NBN: variants seen among roughly 807,000 people sequenced by gnomAD.
The protein encoded by NBN is Nijmegen breakage syndrome 1 (nibrin).
NBN carries 88 observed loss-of-function variants against 90.8 expected under a neutral mutation model. That is an observed-to-expected ratio of 0.97 (90% CI 0.82 to 1.16). The LOEUF is 1.16. Among genes scored for constraint, NBN ranks in the 50% most tolerant of loss-of-function variants. The probability of loss-of-function intolerance (pLI) is 0.00; values close to 1 mark genes in which losing one functional copy is unlikely to be tolerated. For missense variants in NBN, 894 were observed against 869.6 expected (o/e 1.03, Z -0.35); for synonymous variants, 328 against 295.1 (o/e 1.11, Z -1.14).
chr8:89,949,185 T>A (rs1288301195), intron 11 of NBN, among the ~76,000 whole-genome samples: 1 of 152,206 alleles, frequency 6.6e-6, no homozygotes, highest in African/African-American at 2.4e-5. Flanking sequence ...ATGGCAGACC[T>A]GTGTTTAAGT....
At chr8:89,951,891 T>C (rs900069398) in intron 11 of NBN, among the ~76,000 whole-genome samples, 2 of 152,244 alleles carry the variant, frequency 1.3e-5, no homozygotes, top group African/African-American at 2.4e-5. Flanking sequence ...GTTTAAAACA[T>C]TTCCAGACTC....
At chr8:89,967,231 G>A (rs756389522) in intron 7 of NBN, among the ~76,000 whole-genome samples, 12 of 152,160 alleles carry the variant, frequency 7.9e-5, no homozygotes, top group African/African-American at 1.2e-4. Context: ...GAGTGAGTGT[G>A]GGTGGGTGTG....
intron 7 of NBN, among the ~76,000 whole-genome samples, chr8:89,968,970 A>G (rs896562063): frequency 2.0e-5 from 3 of 152,320 alleles, no homozygotes; most frequent in Non-Finnish European, 4.4e-5. Context: ...ATTAAGTAAA[A>G]TATTTATAGG....
rs777259845 is a variant in NBN, at chr8:89,958,783, C to T, written c.1066G>A (p.Ala356Thr). The T allele has an allele frequency of 1.4e-5, 22 of 1,613,914 alleles. No homozygotes were observed. The highest frequency in any genetic ancestry group is 3.3e-4 in the Middle Eastern group (2 of 6,080). Residue 356 changes from alanine to threonine, a missense_variant, in exon 9 of 16, where the codon GCC (alanine) becomes ACC (threonine). Ala to Thr is a moderately conservative substitution (Grantham distance 58). Coordinates refer to ENST00000265433, the MANE Select transcript of NBN (RefSeq NM_002485.5). ...VSVDEKLMPS[A>T]PVNTTTYVAD... Reference sequence around the variant, plus strand: ...ACGTATGTTGTAGTGTTCACTGGGGCGCTTGGCATTAGTTTTTCATCAACT... The same window carrying T: ...ACGTATGTTGTAGTGTTCACTGGGGTGCTTGGCATTAGTTTTTCATCAACT...
At chr8:89,952,567 C>T (rs1387222689) in intron 11 of NBN, among the ~76,000 whole-genome samples, 1 of 147,032 alleles carries the variant, frequency 6.8e-6, no homozygotes, top group African/African-American at 2.7e-5. Context: ...TTCACTTAAT[C>T]CTATCCTTTC....
chr8:89,950,743 T>A (rs1194574184), intron 11 of NBN, among the ~76,000 whole-genome samples: 1 of 107,084 alleles, frequency 9.3e-6, no homozygotes, highest in African/African-American at 6.0e-5. Flanking sequence ...ACATATTAAA[T>A]GAAAGTTTCT....
At chr8:89,976,127 G>C (rs1811743366) in intron 5 of NBN, among the ~76,000 whole-genome samples, 1 of 152,104 alleles carries the variant, frequency 6.6e-6, no homozygotes, top group African/African-American at 2.4e-5. Context: ...AAGCAGCTGG[G>C]ATTACAGGCA....
chr8:89,970,132 G>A (rs1225245713), intron 7 of NBN, among the ~76,000 whole-genome samples: 1 of 150,768 alleles, frequency 6.6e-6, no homozygotes, highest in Non-Finnish European at 1.5e-5. Context: ...GCCTATAATC[G>A]CAGCTACTCA....
chr8:89,973,946 C>T (rs930219596), intron 5 of NBN, among the ~76,000 whole-genome samples: 1 of 152,112 alleles, frequency 6.6e-6, no homozygotes, highest in African/African-American at 2.4e-5. Context: ...GTAACTGGTA[C>T]ATATTATGAA....
At chr8:89,953,103 T>G (rs1423095251) in intron 11 of NBN, 141 bp downstream of exon 11, 1 of 646,534 alleles carries the variant, frequency 1.5e-6, no homozygotes, top group Non-Finnish European at 2.7e-6. Context: ...ATTTACCATT[T>G]ACCTTATCAA....
rs117112216 is a variant in NBN at position 89,963,959 on chromosome 8, G to C, written c.994+451C>G. On this transcript the variant is annotated intron_variant, in intron 8 of 15. Transcript: ENST00000265433. Reference sequence around the variant, plus strand: ...AAGAGTGATCTGTTCCTTCTACCTGGAATTATCCACCACCCAGATCCTCAC... The same window carrying C: ...AAGAGTGATCTGTTCCTTCTACCTGCAATTATCCACCACCCAGATCCTCAC... Among the ~76,000 whole-genome samples the C allele has an allele frequency of 2.5e-3, 385 of 152,038 alleles. 5 individuals carry two copies. Among genetic ancestry groups the C allele is most frequent in the Non-Finnish European group, 4.4e-3 (297 of 67,982 alleles).
At chr8:89,980,530 T>A (rs1430441126) in intron 4 of NBN, among the ~76,000 whole-genome samples, 1 of 152,120 alleles carries the variant, frequency 6.6e-6, no homozygotes, top group Non-Finnish European at 1.5e-5. Context: ...TTTTAGTTGC[T>A]TTTGGCTTGT....
intron 2 of NBN, chr8:89,982,131 T>C (rs1306213010): frequency 7.5e-6 from 2 of 264,922 alleles, no homozygotes; most frequent in South Asian, 4.3e-5. Flanking sequence ...GATATTCCTA[T>C]GTATTTTTTT....
rs2129716281 is a variant in NBN at position 89,955,275 on chromosome 8, A to G, written c.1397+8T>C. ...TCAGAGACATGAGAGAAGTTATCAA[A>G]AACAGACCTTTTTTTGGTAGACGGC... On this transcript the variant is annotated splice_region_variant and intron_variant, in intron 10 of 15. Transcript: ENST00000265433. 6.2e-7 allele frequency: 1 copy of G among 1,613,480 alleles called. No individual in the cohort carries two copies. Among genetic ancestry groups the G allele is most frequent in the South Asian group, 1.1e-5 (1 of 91,066 alleles).
At chr8:89,950,679 G>C (rs1359185721) in intron 11 of NBN, among the ~76,000 whole-genome samples, 3 of 152,072 alleles carry the variant, frequency 2.0e-5, no homozygotes, top group Non-Finnish European at 4.4e-5. Context: ...TAGAATCATA[G>C]GGCAAAATAA....
intron 5 of NBN, among the ~76,000 whole-genome samples, chr8:89,973,041 T>C (rs1386593505): frequency 6.6e-6 from 1 of 152,220 alleles, no homozygotes; most frequent in Non-Finnish European, 1.5e-5. Context: ...TTCCTAAACA[T>C]ATGTGTATGG....
chr8:89,983,544 C>T (rs1812175836), intron 1 of NBN, among the ~76,000 whole-genome samples: 1 of 152,102 alleles, frequency 6.6e-6, no homozygotes. Flanking sequence ...GAGTAAACAA[C>T]ACAGACCAAT....
chr8:89,984,251 G>A (rs2129935440), intron 1 of NBN: 1 of 564,990 alleles, frequency 1.8e-6, no homozygotes. Context: ...GCGGGGGTGA[G>A]GCTGGGAGGG....
chr8:89,984,189 G>C (rs1812214671), intron 1 of NBN: 1 of 447,904 alleles, frequency 2.2e-6, no homozygotes, highest in Non-Finnish European at 4.1e-6. Context: ...GTTCCCACTA[G>C]GCGCCTGCTG....
Sources: gnomAD v4.1 joint callset for allele counts (sites outside exome capture counted in the v4.1 genomes callset) on GRCh38, gnomAD v4.1.1 for gene constraint, MANE v1.5 for transcripts, NCBI Gene and HGNC (gene_info 2026-07-23, HGNC 2026-07-21) for gene names.